KLRD1: variants seen among roughly 807,000 people sequenced by gnomAD.
The protein encoded by KLRD1 is natural killer cells antigen CD94.
In KLRD1, 21 loss-of-function variants were observed where a neutral mutation model predicts 22.6. The ratio of observed to expected loss-of-function variants is 0.93; its 90% CI spans 0.66 to 1.34. The LOEUF is 1.34. Ranked by LOEUF, KLRD1 falls within the 40% of genes most tolerant of loss-of-function variation. The probability of loss-of-function intolerance (pLI) is 0.00; values close to 1 mark genes in which losing one functional copy is unlikely to be tolerated. For missense variants in KLRD1, 183 were observed against 208.6 expected, an observed-to-expected ratio of 0.88 and a Z score of 0.76; for synonymous variants, 59 against 71.1, an observed-to-expected ratio of 0.83 and a Z score of 0.85.
chr12:10,261,680 A>G (rs1463943132), intron 1 of KLRD1, among the ~76,000 whole-genome samples: 1 of 152,060 alleles, frequency 6.6e-6, no homozygotes, highest in East Asian at 1.9e-4. Flanking sequence ...TATGTTCCTG[A>G]TCTTTAGAGT....
intron 1 of KLRD1, among the ~76,000 whole-genome samples, chr12:10,257,915 T>C (rs191903117): frequency 1.3e-5 from 2 of 152,228 alleles, no homozygotes; most frequent in Admixed American, 1.3e-4. Flanking sequence ...GGATTAGCTT[T>C]AGGTAAAGGC....
intron 1 of KLRD1, among the ~76,000 whole-genome samples, chr12:10,283,030 C>A (rs1315776067): frequency 6.6e-6 from 1 of 152,150 alleles, no homozygotes; most frequent in Non-Finnish European, 1.5e-5. Flanking sequence ...AAATTCTGTG[C>A]CAAGTCATTA....
intron 1 of KLRD1, among the ~76,000 whole-genome samples, chr12:10,255,305 T>C (rs576608362): frequency 5.9e-5 from 9 of 152,274 alleles, no homozygotes; most frequent in African/African-American, 1.2e-4. Context: ...AGGTCCAACT[T>C]TTGGCTTTGT....
chr12:10,327,760 G>A lies in KLRD1; in HGVS notation c.*12967G>A, dbSNP rs559577134. The A allele has an allele frequency of 4.6e-5, 7 of 152,260 alleles. No homozygotes were observed. The highest frequency in any genetic ancestry group is 1.7e-4 in the African/African-American group (7 of 41,576). 9.4% of individuals were successfully genotyped at this position (152,260 alleles called of 1,614,324 possible). On this transcript the variant is annotated 3_prime_UTR_variant, in exon 6 of 6. Coordinates refer to ENST00000336164, the MANE Select transcript of KLRD1 (RefSeq NM_002262.5). Reference sequence around the variant, plus strand: ...CCATGTTTCTGATGTCAGAGGAAAAGTTCAGCTTTTTCCATAGCATGATAT... The same window carrying A: ...CCATGTTTCTGATGTCAGAGGAAAAATTCAGCTTTTTCCATAGCATGATAT...
chr12:10,299,382 A>G (rs1174792489), intron 1 of KLRD1, among the ~76,000 whole-genome samples: 2 of 152,178 alleles, frequency 1.3e-5, no homozygotes, highest in African/African-American at 4.8e-5. Flanking sequence ...AATGCATAAT[A>G]TAAGCAAACC....
Position 10,316,284 on chromosome 12 carries a change from G to A in KLRD1, c.*1491G>A, listed in dbSNP as rs962884780. ...GAAGGGATTATGCAGGTGTACACTA[G>A]GCCACTGGTGTACCAATTAGAAACC... On this transcript the variant is annotated 3_prime_UTR_variant, in exon 6 of 6. Transcript: ENST00000336164. 1 of 152,090 alleles carries A rather than the reference G, an allele frequency of 6.6e-6. No homozygotes were observed. The highest frequency in any genetic ancestry group is 2.4e-5 in the African/African-American group (1 of 41,412). The allele number at this position is 152,090 out of a possible 1,614,324, so 9.4% of individuals were successfully genotyped here.
At chr12:10,265,163 TA>T (rs1448407638) in intron 1 of KLRD1, among the ~76,000 whole-genome samples, 1 of 152,176 alleles carries the variant, frequency 6.6e-6, no homozygotes, top group Non-Finnish European at 1.5e-5. Context: ...TTTTTACTTT[TA>T]AAAAAATTTT....
intron 1 of KLRD1, among the ~76,000 whole-genome samples, chr12:10,253,467 G>T (rs190929783): frequency 4.8e-4 from 73 of 152,048 alleles, no homozygotes; most frequent in African/African-American, 1.7e-3. Context: ...TTTGTTACAT[G>T]GGTAAACATG....
chr12:10,253,726 G>T (rs771307486), intron 1 of KLRD1, among the ~76,000 whole-genome samples: 55 of 152,114 alleles, frequency 3.6e-4, no homozygotes, highest in Non-Finnish European at 7.1e-4. Flanking sequence ...CTCCATCCAT[G>T]TTCCTGTAAA....
At chr12:10,287,946 T>TA in intron 1 of KLRD1, among the ~76,000 whole-genome samples, 1 of 151,784 alleles carries the variant, frequency 6.6e-6, no homozygotes, top group East Asian at 1.9e-4. Context: ...CGGGCGCCTG[T>TA]AGTCCCAGCT....
At chr12:10,255,947 G>GCT (rs1375360539) in intron 1 of KLRD1, among the ~76,000 whole-genome samples, 1 of 152,044 alleles carries the variant, frequency 6.6e-6, no homozygotes, top group Non-Finnish European at 1.5e-5. Context: ...TTATTGGAGA[G>GCT]CTATCTATTT....
At chr12:10,261,201 A>G (rs1367405818) in intron 1 of KLRD1, among the ~76,000 whole-genome samples, 1 of 152,180 alleles carries the variant, frequency 6.6e-6, no homozygotes, top group Admixed American at 6.5e-5. Context: ...CTCAGTAGGG[A>G]AGGATGTTGC....
chr12:10,249,977 G>A (rs1420026071), intron 1 of KLRD1, among the ~76,000 whole-genome samples: 2 of 152,154 alleles, frequency 1.3e-5, no homozygotes, highest in Non-Finnish European at 2.9e-5. Flanking sequence ...AAAGTGAGGA[G>A]TATAGTAGTC....
In KLRD1 at chr12:10,321,152, T is replaced by C. The variant is rs916702481; in HGVS notation, c.*6359T>C. ...GAGTCCCGACATTTGCTATGCTAGA[T>C]TTTAAATTATTATGCATCAGTGACT... On this transcript the variant is annotated 3_prime_UTR_variant, in exon 6 of 6. Coordinates refer to ENST00000336164, the MANE Select transcript of KLRD1 (RefSeq NM_002262.5). 1.3e-5 allele frequency: 2 copies of C among 150,810 alleles called. No individual in the cohort carries two copies. Among genetic ancestry groups the C allele is most frequent in the Non-Finnish European group, 2.9e-5 (2 of 68,034 alleles). The allele number at this position is 150,810 out of a possible 1,614,324, so 9.3% of individuals were successfully genotyped here.
chr12:10,283,099 C>A (rs1304160848), intron 1 of KLRD1, among the ~76,000 whole-genome samples: 1 of 152,184 alleles, frequency 6.6e-6, no homozygotes, highest in Non-Finnish European at 1.5e-5. Context: ...ATCTAAGAGT[C>A]CGTCAGGAGA....
rs1332363174 is a variant in KLRD1 at position 10,319,727 on chromosome 12, C to G, written c.*4934C>G. 2 of 152,154 alleles carry G rather than the reference C, an allele frequency of 1.3e-5. No homozygotes were observed. The highest frequency in any genetic ancestry group is 2.9e-5 in the Non-Finnish European group (2 of 68,114). The allele number at this position is 152,154 out of a possible 1,614,324, so 9.4% of individuals were successfully genotyped here. A position where few individuals can be genotyped will look rare whatever the true frequency, so the allele number is the denominator to read the frequency against. ...TGCTTGTATAGGCTCCAGTCTTAGT[C>G]AAGCCTTCAGATGATTACAGCCCCC... On this transcript the variant is annotated 3_prime_UTR_variant, in exon 6 of 6. Coordinates refer to ENST00000336164, the MANE Select transcript of KLRD1 (RefSeq NM_002262.5).
intron 1 of KLRD1, among the ~76,000 whole-genome samples, chr12:10,299,182 G>GT (rs35355894): frequency 0.018 from 2,558 of 142,450 alleles, 55 homozygotes; most frequent in African/African-American, 0.057. Flanking sequence ...TCCATTCTGC[G>GT]TTTTTTTTTT....
chr12:10,266,364 A>G (rs986955985), intron 1 of KLRD1, among the ~76,000 whole-genome samples: 1 of 152,168 alleles, frequency 6.6e-6, no homozygotes, highest in Admixed American at 6.5e-5. Context: ...TTCAATGGGC[A>G]AAGGATGTAT....
intron 1 of KLRD1, among the ~76,000 whole-genome samples, chr12:10,261,400 C>G (rs1426592068): frequency 6.6e-6 from 1 of 152,138 alleles, no homozygotes; most frequent in Non-Finnish European, 1.5e-5. Context: ...TAAAAGACAT[C>G]TATATTCTTT....
Sources: allele counts gnomAD v4.1 joint callset (sites outside exome capture counted in the v4.1 genomes callset), GRCh38; gene constraint gnomAD v4.1.1; transcripts MANE v1.5; gene names NCBI Gene and HGNC (gene_info 2026-07-23, HGNC 2026-07-21).